Variants in LGSN observed in about 807,000 individuals in gnomAD.
LGSN encodes the protein lengsin, lens protein with glutamine synthetase domain, also known as lengsin.
A neutral mutation model predicts 19.5 loss-of-function variants in LGSN; 21 were observed. That is an observed-to-expected ratio of 1.07 (90% CI 0.76 to 1.55). The LOEUF (loss-of-function observed/expected upper bound fraction) is 1.55, where lower values mean the gene tolerates loss of function less well. LGSN is among the 40% of genes most tolerant of loss of function. The pLI, the probability that LGSN is intolerant of heterozygous loss-of-function variation, is 0.00. For missense variants in LGSN, 673 were observed against 608.5 expected (o/e 1.11, Z -1.12); for synonymous variants, 257 against 215.6 (o/e 1.19, Z -1.68).
At chr6:63,350,595 T>C in the LGSN span, among the ~76,000 whole-genome samples, 1 of 152,210 alleles carries the variant, frequency 6.6e-6, no homozygotes, top group East Asian at 1.9e-4. Flanking sequence ...CTCACGCCTA[T>C]AATCCCAGCA....
chr6:63,459,720 C>A, the LGSN span, among the ~76,000 whole-genome samples: 8 of 151,976 alleles, frequency 5.3e-5, no homozygotes, highest in Admixed American at 5.3e-4. Context: ...TCGAGAACAG[C>A]CTGACCAACA....
At chr6:63,346,372 C>G in the LGSN span, among the ~76,000 whole-genome samples, 2 of 151,126 alleles carry the variant, frequency 1.3e-5, no homozygotes, top group Non-Finnish European at 2.9e-5. Context: ...CTTGAAAAAG[C>G]TTCCGTAAAA....
the LGSN span, among the ~76,000 whole-genome samples, chr6:63,432,093 GAAAGAAAGAAA>G: frequency 4.4e-3 from 72 of 16,330 alleles, no homozygotes; most frequent in Non-Finnish European, 6.3e-3. Flanking sequence ...AAGAAGGAAA[GAAAGAAAGAAA>G]GAAAGAAAGA....
At chr6:63,484,843 A>G in the LGSN span, among the ~76,000 whole-genome samples, 9 of 152,212 alleles carry the variant, frequency 5.9e-5, no homozygotes, top group Admixed American at 2.6e-4. Context: ...GGTCCTTAGT[A>G]AGGAAGCCCT....
the LGSN span, among the ~76,000 whole-genome samples, chr6:63,556,230 G>A: frequency 2.0e-5 from 3 of 151,714 alleles, no homozygotes; most frequent in Non-Finnish European, 2.9e-5. Flanking sequence ...CACAATCACA[G>A]CTCACTGCAG....
chr6:63,498,916 C>T, the LGSN span, among the ~76,000 whole-genome samples: 2 of 152,074 alleles, frequency 1.3e-5, no homozygotes, highest in African/African-American at 4.8e-5. Context: ...CCATTTGGTA[C>T]TTACCTGAGC....
chr6:63,323,063 A>G (rs1170235575), upstream of LGSN, among the ~76,000 whole-genome samples: 1 of 152,228 alleles, frequency 6.6e-6, no homozygotes, highest in Non-Finnish European at 1.5e-5. Context: ...ATTTTCACAT[A>G]TCCTTAAGCA....
the LGSN span, among the ~76,000 whole-genome samples, chr6:63,522,446 G>C: frequency 6.6e-6 from 1 of 152,112 alleles, no homozygotes; most frequent in Admixed American, 6.6e-5. Flanking sequence ...TTACAATTCA[G>C]GTGAAACAGA....
the LGSN span, among the ~76,000 whole-genome samples, chr6:63,489,256 A>G: frequency 6.6e-6 from 1 of 152,266 alleles, no homozygotes; most frequent in Admixed American, 6.5e-5. Context: ...AATGCTAAAG[A>G]GATAAGAGTA....
the LGSN span, among the ~76,000 whole-genome samples, chr6:63,484,928 C>G: frequency 1.3e-5 from 2 of 152,182 alleles, no homozygotes; most frequent in Non-Finnish European, 2.9e-5. Context: ...ATCTCCCCAT[C>G]TTTCTCCCCA....
the LGSN span, chr6:63,397,130 T>C: frequency 6.6e-6 from 1 of 152,308 alleles, no homozygotes; most frequent in Non-Finnish European, 1.5e-5. Context: ...ACGGGAGAAT[T>C]ACACCTGAGG....
chr6:63,562,163 AT>A, the LGSN span, among the ~76,000 whole-genome samples: 1 of 147,318 alleles, frequency 6.8e-6, no homozygotes, highest in East Asian at 2.0e-4. Context: ...CATTACAATT[AT>A]TTATTTATCT....
the LGSN span, chr6:63,571,509 GA>G: frequency 6.6e-6 from 1 of 152,202 alleles, no homozygotes; most frequent in Admixed American, 6.5e-5. Flanking sequence ...CTTAAATAAT[GA>G]AGTCAGTAAA....
At chr6:63,291,271 T>G (rs2500459) in intron 2 of LGSN, among the ~76,000 whole-genome samples, 41,559 of 151,984 alleles carry the variant, frequency 0.27, 6,564 homozygotes, top group African/African-American at 0.42. Flanking sequence ...TCAGTGGAAA[T>G]TCCGGGTAAC....
chr6:63,326,356 C>G, the LGSN span, among the ~76,000 whole-genome samples: 1 of 152,250 alleles, frequency 6.6e-6, no homozygotes, highest in Non-Finnish European at 1.5e-5. Flanking sequence ...TCTCCACATC[C>G]CCACCAGACT....
At chr6:63,319,755 G>A (rs1278762624) in intron 1 of LGSN, among the ~76,000 whole-genome samples, 159 bp downstream of exon 1, 1 of 152,096 alleles carries the variant, frequency 6.6e-6, no homozygotes, top group Non-Finnish European at 1.5e-5. Context: ...TCACTGTGTA[G>A]TACAGAAGGG....
At chr6:63,436,693 C>T in the LGSN span, among the ~76,000 whole-genome samples, 1 of 152,184 alleles carries the variant, frequency 6.6e-6, no homozygotes, top group East Asian at 1.9e-4. Context: ...TAAGAACACA[C>T]TCATTGGGTT....
At chr6:63,290,706 G>A (rs1248834450) in intron 2 of LGSN, among the ~76,000 whole-genome samples, 2 of 152,206 alleles carry the variant, frequency 1.3e-5, no homozygotes, top group African/African-American at 4.8e-5. Context: ...ATTTGCAACC[G>A]TGTAGGCCAT....
chr6:63,501,110 G>GCCTATAGT, the LGSN span, among the ~76,000 whole-genome samples: 1 of 152,088 alleles, frequency 6.6e-6, no homozygotes, highest in Non-Finnish European at 1.5e-5. Flanking sequence ...GGTGGCTCAT[G>GCCTATAGT]CCTATAGTCC....
Sources: allele counts gnomAD v4.1 joint callset (sites outside exome capture counted in the v4.1 genomes callset), GRCh38; gene constraint gnomAD v4.1.1; transcripts MANE v1.5; gene names NCBI Gene and HGNC (gene_info 2026-07-23, HGNC 2026-07-21).